The following SH3GLB1 variants were observed in gnomAD, a reference collection of about 807,000 sequenced individuals.
SH3GLB1 encodes SH3 domain containing GRB2 like, endophilin B1, also known as endophilin-B1.
In SH3GLB1, 17 loss-of-function variants were observed where a neutral mutation model predicts 42.0. The observed-to-expected ratio is 0.40, with a 90% confidence interval of 0.28 to 0.61. SH3GLB1 has a LOEUF of 0.61. SH3GLB1 is among the 20% of genes least tolerant of loss of function. SH3GLB1 has a pLI of 0.36. For synonymous variants in SH3GLB1, 132 were observed against 146.6 expected, an observed-to-expected ratio of 0.90 and a Z score of 0.72; for missense variants, 355 against 426.3, an observed-to-expected ratio of 0.83 and a Z score of 1.47.
chr1:86,719,724 A>T (rs932220044), intron 3 of SH3GLB1, 89 bp downstream of exon 3: 4 of 1,351,408 alleles, frequency 3.0e-6, no homozygotes, highest in East Asian at 2.6e-5. Context: ...GGCCGGGTGC[A>T]GTGGCTCACA....
chr1:86,740,693 A>T (rs1306171336), intron 7 of SH3GLB1, among the ~76,000 whole-genome samples: 51 of 152,144 alleles, frequency 3.4e-4, no homozygotes, highest in Admixed American at 3.3e-3. Context: ...TGACTGTGGG[A>T]ATAGGTGGCT....
intron 1 of SH3GLB1, among the ~76,000 whole-genome samples, chr1:86,705,530 G>C (rs970988394): frequency 6.6e-6 from 1 of 152,236 alleles, no homozygotes; most frequent in Admixed American, 6.5e-5. Flanking sequence ...TCGCCAGTTG[G>C]CGTTGAGACT....
At chr1:86,723,716 G>A (rs1654997280) in intron 4 of SH3GLB1, among the ~76,000 whole-genome samples, 1 of 152,136 alleles carries the variant, frequency 6.6e-6, no homozygotes, top group Non-Finnish European at 1.5e-5. Context: ...ATTTTGGAGT[G>A]GTTGGGTTGC....
intron 5 of SH3GLB1, chr1:86,730,163 G>T: frequency 6.4e-7 from 1 of 1,555,298 alleles, no homozygotes; most frequent in South Asian, 1.2e-5. Context: ...AGTTGACGTT[G>T]ATTCAGTAAA....
Position 86,728,472 on chromosome 1 carries a change from C to T in SH3GLB1, c.570+4067C>T, listed in dbSNP as rs547713587. On this transcript the variant is annotated intron_variant, in intron 5 of 8. Coordinates refer to ENST00000370558, the MANE Select transcript of SH3GLB1 (RefSeq NM_016009.5). ...TTTCTCTTACATGCTCAACTTCCTG[C>T]ATGTAAAATGGCTGAAGGTTTGTTG... 6 of 1,546,012 alleles carry T rather than the reference C, an allele frequency of 3.9e-6. No individual in the cohort carries two copies. The Admixed American group carries it at 8.0e-5, about 21-fold the overall frequency.
chr1:86,704,795 C>G lies in SH3GLB1; in HGVS notation c.-105C>G. On this transcript the variant is annotated 5_prime_UTR_variant, in exon 1 of 9. Coordinates refer to ENST00000370558, the MANE Select transcript of SH3GLB1 (RefSeq NM_016009.5). ...CGGGGCTGGCGCCGCCTCCCTCCAC[C>G]TACCACGTCTGCCCTCGCCGCTCTA... 1.6e-6 allele frequency: 1 copy of G among 617,210 alleles called. No individual in the cohort carries two copies. Among genetic ancestry groups the G allele is most frequent in the Non-Finnish European group, 2.7e-6 (1 of 374,126 alleles). 38.2% of individuals were successfully genotyped at this position (617,210 alleles called of 1,614,324 possible).
intron 7 of SH3GLB1, among the ~76,000 whole-genome samples, chr1:86,740,167 G>T (rs989564357): frequency 6.7e-6 from 1 of 149,764 alleles, no homozygotes; most frequent in African/African-American, 2.5e-5. Context: ...AAAAAAAGGA[G>T]TTCCTGATTG....
In SH3GLB1 at chr1:86,715,885, G is replaced by T. The variant is rs759065640; in HGVS notation, c.214+20G>T. ...ATCCAAGTAAGAAACTCTACCTCTTGTGTACCTTAAGTACTATTAGTGGGT... is the reference window on the plus strand; with the variant it reads ...ATCCAAGTAAGAAACTCTACCTCTTTTGTACCTTAAGTACTATTAGTGGGT... On this transcript the variant is annotated intron_variant, in intron 2 of 8. Transcript: ENST00000370558. 32 of 1,599,896 alleles carry T rather than the reference G, an allele frequency of 2.0e-5. No homozygotes were observed. The highest frequency in any genetic ancestry group is 2.7e-5 in the Non-Finnish European group (32 of 1,176,698).
chr1:86,720,359 G>T (rs1461824696), intron 3 of SH3GLB1, among the ~76,000 whole-genome samples: 1 of 152,142 alleles, frequency 6.6e-6, no homozygotes, highest in Non-Finnish European at 1.5e-5. Context: ...TTATAATTTT[G>T]CAGTAATGTC....
In SH3GLB1 at chr1:86,745,720, T is replaced by C. The variant is rs887711645; in HGVS notation, c.*2485T>C. 2.0e-5 allele frequency: 3 copies of C among 152,232 alleles called. No homozygotes were observed. Among genetic ancestry groups the C allele is most frequent in the Non-Finnish European group, 4.4e-5 (3 of 68,032 alleles). The allele number at this position is 152,232 out of a possible 1,614,324, so 9.4% of individuals were successfully genotyped here. A position where few individuals can be genotyped will look rare whatever the true frequency, so the allele number is the denominator to read the frequency against. ...TAATGGGGTTTGGTTGTTTGGGTTT[T>C]ATTTTGGTTTTGGCTTATTTTAAAG... On this transcript the variant is annotated 3_prime_UTR_variant, in exon 9 of 9. Transcript: ENST00000370558.
Position 86,735,727 on chromosome 1 carries a change from G to C in SH3GLB1, c.761+548G>C, listed in dbSNP as rs116092409. Among the ~76,000 whole-genome samples, 498 of 152,304 alleles carry C rather than the reference G, an allele frequency of 3.3e-3. 4 individuals are homozygous for C. The highest frequency in any genetic ancestry group is 0.011 in the African/African-American group (473 of 41,576). On this transcript the variant is annotated intron_variant, in intron 7 of 8. Coordinates refer to ENST00000370558, the MANE Select transcript of SH3GLB1 (RefSeq NM_016009.5). The stretch of plus-strand genomic sequence containing the variant: ...CATGTGCCAAGCACTGTTACATATT[G>C]TGGGGTAATATCAGCAAACAAAACA...
chr1:86,712,427 A>T (rs570729234), intron 1 of SH3GLB1, among the ~76,000 whole-genome samples: 2 of 152,208 alleles, frequency 1.3e-5, no homozygotes, highest in African/African-American at 4.8e-5. Flanking sequence ...CTATGACTCA[A>T]ACAGATGTGA....
chr1:86,713,246 AT>A (rs1264583234), intron 1 of SH3GLB1, among the ~76,000 whole-genome samples: 2 of 151,910 alleles, frequency 1.3e-5, no homozygotes, highest in East Asian at 1.9e-4. Context: ...TACCTGGCTA[AT>A]TTTTTGGATT....
chr1:86,712,375 A>G (rs1365122630), intron 1 of SH3GLB1, among the ~76,000 whole-genome samples: 2 of 152,198 alleles, frequency 1.3e-5, no homozygotes, highest in African/African-American at 4.8e-5. Flanking sequence ...AATTTTGGAA[A>G]TCAGCAAGTA....
chr1:86,735,276 C>G (rs1655726023), intron 7 of SH3GLB1, 97 bp downstream of exon 7: 2 of 724,248 alleles, frequency 2.8e-6, no homozygotes, highest in African/African-American at 3.6e-5. Context: ...AAGGTTCTTA[C>G]TAGCTTTCTT....
intron 2 of SH3GLB1, 23 bp from the exon 3 acceptor site, chr1:86,719,484 G>A (rs1654736507): frequency 3.2e-6 from 5 of 1,584,530 alleles, no homozygotes; most frequent in African/African-American, 1.4e-5. Flanking sequence ...AGAAATCATT[G>A]GTAATTTTAA....
intron 2 of SH3GLB1, 28 bp from the exon 3 acceptor site, chr1:86,719,477 AAT>A: frequency 6.3e-7 from 1 of 1,585,068 alleles, no homozygotes; most frequent in Non-Finnish European, 8.6e-7. Context: ...GCTTTTTAGA[AAT>A]CATTGGTAAT....
At chr1:86,739,234 C>T (rs1392112345) in intron 7 of SH3GLB1, among the ~76,000 whole-genome samples, 1 of 152,122 alleles carries the variant, frequency 6.6e-6, no homozygotes, top group Non-Finnish European at 1.5e-5. Flanking sequence ...GATAAACCCT[C>T]AAAGGAGTAA....
Position 86,742,443 on chromosome 1 carries a change from A to G in SH3GLB1, c.990+7A>G. On this transcript the variant is annotated splice_region_variant and intron_variant, in intron 8 of 8. Coordinates refer to ENST00000370558, the MANE Select transcript of SH3GLB1 (RefSeq NM_016009.5). Reference sequence around the variant, plus strand: ...ATCACTTCTGGCAGATGAGGTGAGTATTGTGGGTATGAGAAGGAAAATATA... The same window carrying G: ...ATCACTTCTGGCAGATGAGGTGAGTGTTGTGGGTATGAGAAGGAAAATATA... 4 of 1,606,564 alleles carry G rather than the reference A, an allele frequency of 2.5e-6. No homozygotes were observed. Among genetic ancestry groups the G allele is most frequent in the Non-Finnish European group, 3.4e-6 (4 of 1,173,302 alleles).
Sources: allele counts gnomAD v4.1 joint callset (sites outside exome capture counted in the v4.1 genomes callset), GRCh38; gene constraint gnomAD v4.1.1; transcripts MANE v1.5; gene names NCBI Gene and HGNC (gene_info 2026-07-23, HGNC 2026-07-21).